Variants in BOK observed in about 807,000 individuals in gnomAD.
BOK encodes the protein bcl-2-related ovarian killer protein.
Under a neutral mutation model 18.3 loss-of-function variants are expected in BOK, and 20 were observed. That is an observed-to-expected ratio of 1.09 (90% CI 0.77 to 1.59). The LOEUF is 1.59. BOK is among the 40% of genes most tolerant of loss of function. The pLI is 0.00. For missense variants in BOK, 348 were observed against 307.9 expected (o/e 1.13, Z -0.97); for synonymous variants, 173 against 142.4 (o/e 1.21, Z -1.53).
chr2:241,561,141 A>C (rs1553471), intron 2 of BOK, among the ~76,000 whole-genome samples: 1 of 151,900 alleles, frequency 6.6e-6, no homozygotes, highest in Non-Finnish European at 1.5e-5. Context: ...GATACAGAGC[A>C]GCCTTTATCA....
rs533395543 is a variant in BOK, at chr2:241,559,516, C to T, written c.33C>T (p.Ala11=). 82 of 1,504,388 alleles carry T rather than the reference C, an allele frequency of 5.5e-5. 3 individuals carry two copies. The South Asian group carries it at 1.0e-3, about 18-fold the overall frequency. The allele number at this position is 1,504,388 out of a possible 1,614,324, so 93.2% of individuals were successfully genotyped here. A position where few individuals can be genotyped will look rare whatever the true frequency, so the allele number is the denominator to read the frequency against. The change falls in exon 2 of 5, where the codon GCC becomes GCT. Residue 11 remains alanine, a synonymous_variant. Coordinates refer to ENST00000318407, the MANE Select transcript of BOK (RefSeq NM_032515.5). ...TGCTGCGGCGCTCCTCGGTCTTCGC[C>T]GCCGAGATCATGGACGCCTTTGACC... MEVLRRSSVF[A]AEIMDAFDRS...
At chr2:241,557,794 T>C (rs2066464841), upstream of BOK, among the ~76,000 whole-genome samples, 1 of 152,196 alleles carries the variant, frequency 6.6e-6, no homozygotes, top group Non-Finnish European at 1.5e-5. Flanking sequence ...CATTTGCAGA[T>C]TTTCCAGTAA....
chr2:241,572,041 C>T (rs1018923909), intron 4 of BOK, among the ~76,000 whole-genome samples: 5 of 152,188 alleles, frequency 3.3e-5, no homozygotes, highest in Admixed American at 6.5e-5. Context: ...GCCCTCCGGC[C>T]GGCCTGCCTG....
At chr2:241,557,433 C>T (rs920269882), upstream of BOK, among the ~76,000 whole-genome samples, 13 of 151,576 alleles carry the variant, frequency 8.6e-5, no homozygotes, top group Non-Finnish European at 1.6e-4. Flanking sequence ...CCTCAGCCTC[C>T]TTAGTAGCTG....
intron 3 of BOK, among the ~76,000 whole-genome samples, chr2:241,564,553 T>G (rs1574998883): frequency 1.7e-5 from 2 of 115,196 alleles, no homozygotes; most frequent in Non-Finnish European, 1.8e-5. Flanking sequence ...AGTGGGCAGG[T>G]GGTGTGGCTC....
At chr2:241,560,666 T>A (rs935441430) in intron 2 of BOK, among the ~76,000 whole-genome samples, 1 of 152,034 alleles carries the variant, frequency 6.6e-6, no homozygotes, top group Non-Finnish European at 1.5e-5. Context: ...TGGAGTCCCA[T>A]CTGAGAAGTT....
chr2:241,552,500 C>G (rs1222009863), intron 1 of BOK, among the ~76,000 whole-genome samples: 1 of 152,212 alleles, frequency 6.6e-6, no homozygotes, highest in Non-Finnish European at 1.5e-5. Context: ...AGGGGCTGGG[C>G]TCAGAACAGA....
In BOK at chr2:241,562,577, C is replaced by T. The variant is rs556000345; in HGVS notation, c.349+101C>T. Reference sequence around the variant, plus strand: ...ACGAGCTGGCCCCCACCCATCCTGGCGCTGCCCAGTGCCCACCGGTGCCAT... The same window carrying T: ...ACGAGCTGGCCCCCACCCATCCTGGTGCTGCCCAGTGCCCACCGGTGCCAT... On this transcript the variant is annotated intron_variant, in intron 3 of 4. Coordinates refer to ENST00000318407, the MANE Select transcript of BOK (RefSeq NM_032515.5). The surrounding 1 kb of genome is among the most constrained non-coding windows in gnomAD (Gnocchi z 4.5). 3.3e-3 allele frequency: 4,699 copies of T among 1,427,656 alleles called. 12 individuals carry two copies. Among genetic ancestry groups the T allele is most frequent in the Non-Finnish European group, 4.0e-3 (4,279 of 1,078,172 alleles). The allele number at this position is 1,427,656 out of a possible 1,614,324, so 88.4% of individuals were successfully genotyped here.
intron 3 of BOK, among the ~76,000 whole-genome samples, chr2:241,566,075 G>A (rs1458982845): frequency 3.3e-5 from 5 of 151,946 alleles, no homozygotes; most frequent in East Asian, 2.0e-4. Flanking sequence ...ACCTGAGGTC[G>A]GGAGTTTGAG....
intron 4 of BOK, among the ~76,000 whole-genome samples, chr2:241,571,291 C>G (rs909800360): frequency 2.7e-5 from 4 of 147,634 alleles, no homozygotes; most frequent in African/African-American, 7.3e-5. Flanking sequence ...CCCCCAACTT[C>G]CTGCCCTGCT....
At chr2:241,571,236 C>G (rs1461625645) in intron 4 of BOK, among the ~76,000 whole-genome samples, 1 of 152,098 alleles carries the variant, frequency 6.6e-6, no homozygotes, top group Non-Finnish European at 1.5e-5. Context: ...AAAGCAAGGC[C>G]CCGAGGGGTG....
chr2:241,570,159 G>A lies in BOK; in HGVS notation c.384G>A (p.Ala128=), dbSNP rs201505911. The A allele has an allele frequency of 1.0e-4, 163 of 1,611,336 alleles. 2 individuals are homozygous for A. The Admixed American group carries it at 1.8e-3, about 17-fold the overall frequency. Residue 128 remains alanine (A), a synonymous_variant, in exon 4 of 5, where the codon GCG becomes GCA. Coordinates refer to ENST00000318407, the MANE Select transcript of BOK (RefSeq NM_032515.5). ...GGGGCAAGGTGGTGTCCCTGTATGC[G>A]GTGGCCGCGGGGCTGGCCGTGGACT... ...ITWGKVVSLY[A]VAAGLAVDCV...
At position 241,559,694 on chromosome 2, in the gene BOK, C is replaced by G. The variant is rs752782219; in HGVS notation, c.211C>G (p.Leu71Val). Reference sequence around the variant, plus strand: ...CCTGGCTGAGGTGTGCGCGGTGCTGCTGCGCCTGGGTGAGTGCGCCCTGGT... The same window carrying G: ...CCTGGCTGAGGTGTGCGCGGTGCTGGTGCGCCTGGGTGAGTGCGCCCTGGT... ...GRLAEVCAVLLRLGDELEMIR... is the reference protein window; with the variant it reads ...GRLAEVCAVLVRLGDELEMIR... Residue 71 changes from leucine (L) to valine (V), a missense_variant, in exon 2 of 5, where the codon CTG becomes GTG. Transcript: ENST00000318407. 8.3e-6 allele frequency: 11 copies of G among 1,328,912 alleles called. No homozygotes were observed. In the Admixed American group the frequency reaches 1.2e-4, roughly 15 times the overall value. 82.3% of individuals were successfully genotyped at this position (1,328,912 alleles called of 1,614,324 possible).
intron 4 of BOK, among the ~76,000 whole-genome samples, chr2:241,571,209 C>T (rs1020252787): frequency 3.3e-5 from 5 of 150,432 alleles, no homozygotes; most frequent in East Asian, 1.9e-4. Context: ...CCCCAGCCCC[C>T]GCCCTCCCGA....
intron 3 of BOK, among the ~76,000 whole-genome samples, chr2:241,565,467 G>A (rs191754999): frequency 2.3e-4 from 35 of 152,120 alleles, no homozygotes; most frequent in African/African-American, 7.5e-4. Flanking sequence ...GTCCTCTTGG[G>A]CCCTTTTGTC....
intron 3 of BOK, among the ~76,000 whole-genome samples, chr2:241,569,430 GT>G (rs1421985910): frequency 3.9e-5 from 6 of 152,194 alleles, no homozygotes; most frequent in African/African-American, 9.6e-5. Flanking sequence ...CGCGCCTGGC[GT>G]AAAAGCTTTT....
Position 241,562,436 on chromosome 2 carries a change from C to G in BOK, c.309C>G (p.Thr103=), listed in dbSNP as rs74003741. 7.3e-3 allele frequency: 11,766 copies of G among 1,612,154 alleles called. 699 individuals carry two copies. The African/African-American group carries it at 0.13, about 18-fold the overall frequency. Residue 103 remains threonine, a synonymous_variant, in exon 3 of 5, where the codon ACC becomes ACG. Transcript: ENST00000318407. The surrounding 1 kb of genome is among the most constrained non-coding windows in gnomAD (Gnocchi z 4.5). ...CCCTGCAGTCTGAGCCTGTGGTGACCGATGCGTTCCTGGCCGTGGCTGGCC... is the reference window on the plus strand; with the variant it reads ...CCCTGCAGTCTGAGCCTGTGGTGACGGATGCGTTCCTGGCCGTGGCTGGCC... ...HISLQSEPVV[T]DAFLAVAGHI... is the part of the protein sequence containing the mutation.
At chr2:241,559,391 G>T (rs1005925916) in intron 1 of BOK, 64 bp from the exon 2 acceptor site, 6 of 1,082,742 alleles carry the variant, frequency 5.5e-6, no homozygotes, top group Middle Eastern at 3.3e-4. Context: ...GCCCAGCCCG[G>T]CGCCCCGCGC....
rs375595353 is a variant in BOK at position 241,570,150 on chromosome 2, C to T, written c.375C>T (p.Ser125=). ...SAGITWGKVV[S]LYAVAAGLAV... The stretch of plus-strand genomic sequence containing the variant: ...GCATCACGTGGGGCAAGGTGGTGTC[C>T]CTGTATGCGGTGGCCGCGGGGCTGG... Residue 125 remains serine (S), a synonymous_variant, in exon 4 of 5, where the codon TCC becomes TCT. Transcript: ENST00000318407. 71 of 1,611,740 alleles carry T rather than the reference C, an allele frequency of 4.4e-5. No individual in the cohort carries two copies. Among genetic ancestry groups the T allele is most frequent in the South Asian group, 3.3e-4 (30 of 91,004 alleles).
Sources: gnomAD v4.1 joint callset for allele counts (sites outside exome capture counted in the v4.1 genomes callset) on GRCh38, gnomAD v4.1.1 for gene constraint, Gnocchi (gnomAD v3.1) non-coding constraint, MANE v1.5 for transcripts, NCBI Gene and HGNC (gene_info 2026-07-23, HGNC 2026-07-21) for gene names.